The following CLMP variants were observed in gnomAD, a reference collection of about 807,000 sequenced individuals.
CLMP encodes CXADR like cell adhesion molecule.
CLMP carries 27 observed loss-of-function variants against 45.2 expected under a neutral mutation model. The observed-to-expected ratio is 0.60, with a 90% confidence interval of 0.44 to 0.82. The LOEUF (loss-of-function observed/expected upper bound fraction) is 0.82. Ranked by LOEUF, CLMP falls within the 40% of genes least tolerant of loss-of-function variation. The pLI is 0.00. For missense variants in CLMP, 403 were observed against 448.4 expected, an observed-to-expected ratio of 0.90 and a Z score of 0.91; for synonymous variants, 167 against 171.4, an observed-to-expected ratio of 0.97 and a Z score of 0.20.
At chr11:123,108,480 A>G (rs563289442) in intron 1 of CLMP, among the ~76,000 whole-genome samples, 39 of 152,250 alleles carry the variant, frequency 2.6e-4, no homozygotes, top group African/African-American at 9.1e-4. Context: ...ACAAGGACCC[A>G]GGTGACAGCC....
chr11:123,137,064 TCTC>T (rs1861083717), intron 1 of CLMP, among the ~76,000 whole-genome samples: 1 of 151,514 alleles, frequency 6.6e-6, no homozygotes, highest in Non-Finnish European at 1.5e-5. Context: ...ATTCAACCCT[TCTC>T]CTCTAGGAAA....
chr11:123,144,848 C>T (rs1400352809), intron 1 of CLMP, among the ~76,000 whole-genome samples: 5 of 152,160 alleles, frequency 3.3e-5, no homozygotes, highest in Non-Finnish European at 5.9e-5. Context: ...GGATCCCTTT[C>T]GACCCCATTC....
Position 123,070,206 on chromosome 11 carries a change from C to G in CLMP, c.*3268G>C, listed in dbSNP as rs557715033. 6.6e-6 allele frequency: 1 copy of G among 152,324 alleles called. No individual in the cohort carries two copies. Among genetic ancestry groups the G allele is most frequent in the African/African-American group, 2.4e-5 (1 of 41,576 alleles). 9.4% of individuals were successfully genotyped at this position (152,324 alleles called of 1,614,324 possible). A position where few individuals can be genotyped will look rare whatever the true frequency, so the allele number is the denominator to read the frequency against. ...CTTCCTACAAACAGTTTTTCTTCTA[C>G]TATTCGGTTATTTCTCCTTTTTTTG... On this transcript the variant is annotated 3_prime_UTR_variant, in exon 7 of 7. Transcript: ENST00000448775.
intron 1 of CLMP, among the ~76,000 whole-genome samples, chr11:123,183,500 G>A (rs1308083186): frequency 6.6e-6 from 1 of 152,014 alleles, no homozygotes; most frequent in Non-Finnish European, 1.5e-5. Context: ...CAAAGTGCTG[G>A]AATTACAAGT....
At chr11:123,110,361 G>A (rs1860621381) in intron 1 of CLMP, among the ~76,000 whole-genome samples, 1 of 151,926 alleles carries the variant, frequency 6.6e-6, no homozygotes, top group South Asian at 2.1e-4. Flanking sequence ...GGCTGAGATG[G>A]GAGAATCGCT....
intron 1 of CLMP, among the ~76,000 whole-genome samples, chr11:123,103,454 C>G (rs1367271569): frequency 6.6e-6 from 1 of 152,214 alleles, no homozygotes; most frequent in Non-Finnish European, 1.5e-5. Flanking sequence ...CCCCAAAAAA[C>G]TGGAACATTG....
chr11:123,097,768 A>T, intron 2 of CLMP, 27 bp downstream of exon 2: 1 of 1,521,830 alleles, frequency 6.6e-7, no homozygotes. Context: ...AAGAAGGAGG[A>T]GGGACTCCAG....
chr11:123,141,473 C>T (rs997021960), intron 1 of CLMP, among the ~76,000 whole-genome samples: 12 of 152,014 alleles, frequency 7.9e-5, no homozygotes, highest in Middle Eastern at 3.2e-3. Flanking sequence ...TGTGAGCCAC[C>T]GCGCCCGGCC....
intron 1 of CLMP, among the ~76,000 whole-genome samples, chr11:123,177,278 G>A (rs1042433082): frequency 1.3e-5 from 2 of 152,122 alleles, no homozygotes; most frequent in Non-Finnish European, 2.9e-5. Flanking sequence ...TTTGGGAGGT[G>A]CGGTCTTAGG....
In CLMP at chr11:123,150,580, GGAAA is replaced by G. The variant is rs1861320957; in HGVS notation, c.28+44329_28+44332del. On this transcript the variant is annotated intron_variant, in intron 1 of 6. Coordinates refer to ENST00000448775, the MANE Select transcript of CLMP (RefSeq NM_024769.5). ...GGAAGGAAAGGAAGGAAGGAAGGAA[GGAAA>G]GGAAGGAAGGAAGGAAGGAATGAAG... Among the ~76,000 whole-genome samples the G allele has an allele frequency of 4.4e-4, 28 of 64,298 alleles. No individual in the cohort carries two copies. In the South Asian group the frequency reaches 9.6e-3, roughly 22 times the overall value. The allele number at this position is 64,298 out of a possible 152,430, so 42.2% of individuals were successfully genotyped here. A position where few individuals can be genotyped will look rare whatever the true frequency, so the allele number is the denominator to read the frequency against.
intron 1 of CLMP, among the ~76,000 whole-genome samples, chr11:123,148,669 G>C (rs1861271341): frequency 6.6e-6 from 1 of 152,140 alleles, no homozygotes; most frequent in Non-Finnish European, 1.5e-5. Flanking sequence ...CTCCCTTGAA[G>C]AACTTCAAGT....
At chr11:123,175,703 G>T (rs1296277373) in intron 1 of CLMP, among the ~76,000 whole-genome samples, 3 of 152,158 alleles carry the variant, frequency 2.0e-5, no homozygotes, top group African/African-American at 7.2e-5. Context: ...TTGAGGCATT[G>T]CATTGGTTGA....
At chr11:123,091,031 C>A (rs950642233) in intron 2 of CLMP, among the ~76,000 whole-genome samples, 1 of 152,184 alleles carries the variant, frequency 6.6e-6, no homozygotes, top group African/African-American at 2.4e-5. Flanking sequence ...GTCCCAGTAT[C>A]TTCAAGGCCT....
At chr11:123,114,044 C>A (rs1035536351) in intron 1 of CLMP, among the ~76,000 whole-genome samples, 8 of 152,132 alleles carry the variant, frequency 5.3e-5, no homozygotes, top group Non-Finnish European at 1.2e-4. Context: ...ATTGACATGT[C>A]TATTTATAGT....
At chr11:123,108,635 G>T (rs1380686678) in intron 1 of CLMP, among the ~76,000 whole-genome samples, 1 of 152,034 alleles carries the variant, frequency 6.6e-6, no homozygotes, top group Non-Finnish European at 1.5e-5. Flanking sequence ...GAAGAGGAAG[G>T]GAAGTGGGGG....
At chr11:123,187,055 G>A (rs995485413) in intron 1 of CLMP, among the ~76,000 whole-genome samples, 1 of 152,132 alleles carries the variant, frequency 6.6e-6, no homozygotes, top group Non-Finnish European at 1.5e-5. Flanking sequence ...TACGTACCAA[G>A]CAGAGCGTTA....
chr11:123,091,947 C>T (rs1163646158), intron 2 of CLMP, among the ~76,000 whole-genome samples: 2 of 152,202 alleles, frequency 1.3e-5, no homozygotes, highest in Non-Finnish European at 2.9e-5. Flanking sequence ...GCCCTCACAT[C>T]TCTGAATCTC....
chr11:123,149,989 G>A (rs995161723), intron 1 of CLMP, among the ~76,000 whole-genome samples: 5 of 151,694 alleles, frequency 3.3e-5, no homozygotes, highest in African/African-American at 1.2e-4. Context: ...ATTTTTGGTA[G>A]AGATGGGGTT....
intron 1 of CLMP, among the ~76,000 whole-genome samples, chr11:123,109,927 A>T (rs1158258192): frequency 6.6e-6 from 1 of 152,186 alleles, no homozygotes; most frequent in Non-Finnish European, 1.5e-5. Context: ...ATGACCGGCA[A>T]ATGATAGGGT....
Sources: allele counts gnomAD v4.1 joint callset (sites outside exome capture counted in the v4.1 genomes callset), GRCh38; gene constraint gnomAD v4.1.1; transcripts MANE v1.5; gene names NCBI Gene and HGNC (gene_info 2026-07-23, HGNC 2026-07-21).